CTDSPL2: variants seen among roughly 807,000 people sequenced by gnomAD.
CTDSPL2 encodes CTD small phosphatase like 2.
CTDSPL2 carries 5 observed loss-of-function variants against 60.0 expected under a neutral mutation model. That is an observed-to-expected ratio of 0.08 (90% CI 0.04 to 0.18). The LOEUF (loss-of-function observed/expected upper bound fraction) is 0.18. CTDSPL2 is among the 10% of genes least tolerant of loss of function. The pLI is 1.00. For missense variants in CTDSPL2, 370 were observed against 548.8 expected (o/e 0.67, Z 3.26); for synonymous variants, 186 against 189.3 (o/e 0.98, Z 0.14).
chr15:44,491,564 G>A (rs2081214640), intron 5 of CTDSPL2, among the ~76,000 whole-genome samples: 1 of 152,172 alleles, frequency 6.6e-6, no homozygotes, highest in South Asian at 2.1e-4. Flanking sequence ...TACTGTGGTG[G>A]ATAGACAGGG....
At chr15:44,456,934 T>C (rs1023662778) in intron 1 of CTDSPL2, among the ~76,000 whole-genome samples, 11 of 150,780 alleles carry the variant, frequency 7.3e-5, no homozygotes, top group African/African-American at 2.7e-4. Flanking sequence ...TGGAGTGCAG[T>C]GGCGCGGTAT....
intron 2 of CTDSPL2, among the ~76,000 whole-genome samples, chr15:44,472,302 A>C (rs1263010199): frequency 1.3e-5 from 2 of 152,182 alleles, no homozygotes; most frequent in Non-Finnish European, 2.9e-5. Flanking sequence ...TTACAGTTCC[A>C]CTAGCAAAAT....
At chr15:44,454,434 G>A (rs1263295254) in intron 1 of CTDSPL2, among the ~76,000 whole-genome samples, 1 of 152,124 alleles carries the variant, frequency 6.6e-6, no homozygotes, top group African/African-American at 2.4e-5. Context: ...AGTTTAACTA[G>A]ATCCCATTTG....
intron 2 of CTDSPL2, among the ~76,000 whole-genome samples, chr15:44,476,080 T>A (rs978068662): frequency 5.3e-5 from 8 of 152,286 alleles, no homozygotes; most frequent in African/African-American, 7.2e-5. Context: ...CATTTTTTTT[T>A]ATTTTGAGAT....
intron 8 of CTDSPL2, chr15:44,503,505 A>C (rs1414693062): frequency 6.6e-6 from 1 of 152,152 alleles, no homozygotes. Flanking sequence ...TTCTATCCAC[A>C]AGCAGGAGTG....
At chr15:44,462,995 G>A (rs1431985662) in intron 2 of CTDSPL2, among the ~76,000 whole-genome samples, 2 of 151,770 alleles carry the variant, frequency 1.3e-5, no homozygotes, top group Admixed American at 6.6e-5. Context: ...GTGAGCCATC[G>A]TGCCCAGCCA....
chr15:44,521,664 C>T (rs553422687), intron 12 of CTDSPL2, among the ~76,000 whole-genome samples: 2 of 152,006 alleles, frequency 1.3e-5, no homozygotes, highest in South Asian at 4.2e-4. Flanking sequence ...ATGGGCCGGG[C>T]GCGGTGGCTC....
intron 5 of CTDSPL2, among the ~76,000 whole-genome samples, chr15:44,492,634 A>G (rs2081235975): frequency 6.6e-6 from 1 of 152,242 alleles, no homozygotes; most frequent in East Asian, 1.9e-4. Flanking sequence ...TGAAACTTCT[A>G]TATAATGCAA....
At chr15:44,471,239 A>G (rs939140168) in intron 2 of CTDSPL2, among the ~76,000 whole-genome samples, 7 of 151,994 alleles carry the variant, frequency 4.6e-5, no homozygotes, top group African/African-American at 1.5e-4. Context: ...CAATTTGTCT[A>G]TTTAAGTTGT....
Position 44,527,552 on chromosome 15 carries a change from G to A in CTDSPL2, c.*3378G>A, listed in dbSNP as rs2081894564. ...CAATCACATAAAGCTAAAATGTAAAGGACATTGAAGCCTTTATTTAATTGT... is the reference window on the plus strand; with the variant it reads ...CAATCACATAAAGCTAAAATGTAAAAGACATTGAAGCCTTTATTTAATTGT... On this transcript the variant is annotated 3_prime_UTR_variant, in exon 13 of 13. Transcript: ENST00000260327. The A allele has an allele frequency of 6.6e-6, 1 of 152,084 alleles. No individual in the cohort carries two copies. Among genetic ancestry groups the A allele is most frequent in the Non-Finnish European group, 1.5e-5 (1 of 67,992 alleles). 9.4% of individuals were successfully genotyped at this position (152,084 alleles called of 1,614,324 possible).
At chr15:44,431,255 C>T (rs909726963) in intron 1 of CTDSPL2, among the ~76,000 whole-genome samples, 4 of 152,140 alleles carry the variant, frequency 2.6e-5, no homozygotes. Flanking sequence ...AGCCACTGCA[C>T]CCGGCTCATG....
intron 1 of CTDSPL2, among the ~76,000 whole-genome samples, chr15:44,432,962 T>C (rs2079891382): frequency 6.6e-6 from 1 of 152,010 alleles, no homozygotes; most frequent in Non-Finnish European, 1.5e-5. Flanking sequence ...AAAGTCTATA[T>C]TGAACATGAA....
intron 8 of CTDSPL2, among the ~76,000 whole-genome samples, chr15:44,512,743 C>T (rs2081586711): frequency 6.6e-6 from 1 of 152,088 alleles, no homozygotes; most frequent in Non-Finnish European, 1.5e-5. Flanking sequence ...GGATTTGGTT[C>T]TTTTTTTCTG....
chr15:44,521,236 GTTTA>G (rs1567107284), intron 11 of CTDSPL2, 71 bp from the exon 12 acceptor site: 4 of 708,640 alleles, frequency 5.6e-6, no homozygotes, highest in Non-Finnish European at 9.3e-6. Flanking sequence ...ATAAATCTTT[GTTTA>G]TTTTTTAACT....
chr15:44,466,823 C>T (rs2140725629), intron 2 of CTDSPL2, among the ~76,000 whole-genome samples: 1 of 152,076 alleles, frequency 6.6e-6, no homozygotes, highest in African/African-American at 2.4e-5. Context: ...CCTGTAGTCC[C>T]AGCTACTCAG....
chr15:44,476,537 T>A (rs2080919842), intron 2 of CTDSPL2, among the ~76,000 whole-genome samples: 1 of 152,184 alleles, frequency 6.6e-6, no homozygotes, highest in Non-Finnish European at 1.5e-5. Context: ...CAGGTAATGA[T>A]GTTTAGGTCA....
At chr15:44,442,936 C>T (rs117342585) in intron 1 of CTDSPL2, among the ~76,000 whole-genome samples, 2,923 of 151,770 alleles carry the variant, frequency 0.019, 35 homozygotes, top group Middle Eastern at 0.031. Context: ...GTGAACCTGC[C>T]GCTGCACTCC....
intron 12 of CTDSPL2, among the ~76,000 whole-genome samples, chr15:44,523,446 AAG>A: frequency 1.4e-5 from 2 of 147,520 alleles, no homozygotes; most frequent in East Asian, 4.0e-4. Flanking sequence ...ATACATACAT[AAG>A]CAAGCAAGCT....
chr15:44,437,221 C>G (rs2079996705), intron 1 of CTDSPL2, among the ~76,000 whole-genome samples: 1 of 152,120 alleles, frequency 6.6e-6, no homozygotes, highest in Non-Finnish European at 1.5e-5. Context: ...TAGGGATGCT[C>G]AAGCTGTATA....
Sources: gnomAD v4.1 joint callset for allele counts (sites outside exome capture counted in the v4.1 genomes callset) on GRCh38, gnomAD v4.1.1 for gene constraint, MANE v1.5 for transcripts, NCBI Gene and HGNC (gene_info 2026-07-23, HGNC 2026-07-21) for gene names.